SPTBN2: variants seen among roughly 807,000 people sequenced by gnomAD.
SPTBN2 encodes spectrin beta, non-erythrocytic 2, also known as spectrin beta chain, non-erythrocytic 2.
SPTBN2 carries 107 observed loss-of-function variants against 284.2 expected under a neutral mutation model. That is an observed-to-expected ratio of 0.38 (90% CI 0.32 to 0.44). The LOEUF (loss-of-function observed/expected upper bound fraction) is 0.44. Ranked by LOEUF, SPTBN2 falls within the 20% of genes least tolerant of loss-of-function variation. The probability of loss-of-function intolerance (pLI) is 1.00; values close to 1 mark genes in which losing one functional copy is unlikely to be tolerated. For missense variants in SPTBN2, 2,569 were observed against 3,287.1 expected (o/e 0.78, Z 5.34); for synonymous variants, 1,289 against 1,354.8 (o/e 0.95, Z 1.07).
In SPTBN2 at chr11:66,711,032, G is replaced by A. The variant is rs755647824; in HGVS notation, c.773-3C>T. 6.2e-7 allele frequency: 1 copy of A among 1,613,590 alleles called. No individual in the cohort carries two copies. The highest frequency in any genetic ancestry group is 1.1e-5 in the South Asian group (1 of 91,080). On this transcript the variant is annotated splice_region_variant and splice_polypyrimidine_tract_variant and intron_variant, in intron 8 of 37. Coordinates refer to ENST00000533211, the MANE Select transcript of SPTBN2 (RefSeq NM_006946.4). ...ATCTGGCTGGTCCACATTCACGTCT[G>A]CAAGAGAGGACCATTTGGGTCAGGC...
chr11:66,689,069 G>A (rs1344829062), intron 30 of SPTBN2, 27 bp downstream of exon 30: 1 of 1,591,966 alleles, frequency 6.3e-7, no homozygotes, highest in Admixed American at 1.8e-5. Context: ...ACTCCCCACA[G>A]GGCCTGGGGC....
At chr11:66,709,954 T>C (rs973288400) in intron 10 of SPTBN2, among the ~76,000 whole-genome samples, 1 of 152,252 alleles carries the variant, frequency 6.6e-6, no homozygotes, top group Non-Finnish European at 1.5e-5. Flanking sequence ...CTCTATCCTA[T>C]GCTAGGATTG....
In SPTBN2 at chr11:66,714,367, T is replaced by C. The variant is rs1269016964; in HGVS notation, c.524A>G (p.Lys175Arg). The C allele has an allele frequency of 6.2e-7, 1 of 1,614,060 alleles. No homozygotes were observed. ...ISVETEDNKE[K>R]KSAKDALLLW... ...AAGCAGGGCATCCTTGGCTGACTTC[T>C]TCTCCTTGTTGTCTTCTGTCTCCAC... Residue 175 changes from lysine (K) to arginine (R), a missense_variant, in exon 6 of 38, where the codon AAG becomes AGG. By Grantham distance (26) the Lys-to-Arg change is conservative (BLOSUM62 2). Around this residue, in one of 6 missense-constraint regions of SPTBN2, gnomAD observed 304 missense variants for 522.1 expected, o/e 0.58. Transcript: ENST00000533211.
chr11:66,705,048 A>G lies in SPTBN2; in HGVS notation c.2228T>C (p.Leu743Pro). 1 of 1,598,412 alleles carries G rather than the reference A, an allele frequency of 6.3e-7. No individual in the cohort carries two copies. Among genetic ancestry groups the G allele is most frequent in the Non-Finnish European group, 8.5e-7 (1 of 1,178,944 alleles). The change falls in exon 15 of 38, where the codon CTG becomes CCG. Residue 743 changes from leucine (L) to proline (P), a missense_variant. Transcript: ENST00000533211. Reference protein sequence around the residue: ...EALAEERAQRLAQAASLYQFQ... With the variant: ...EALAEERAQRPAQAASLYQFQ... ...CTGGTAGAGGCTGGCGGCTTGGGCC[A>G]GCCGCTGGGCACGCTCCTCGGCCAG...
At chr11:66,686,343 C>T in intron 37 of SPTBN2, 55 bp downstream of exon 37, 1 of 1,606,104 alleles carries the variant, frequency 6.2e-7, no homozygotes, top group Non-Finnish European at 8.5e-7. Flanking sequence ...GGGGAGTCTG[C>T]AGCTGGAAGC....
rs530337217 is a variant in SPTBN2 at position 66,710,275 on chromosome 11, C to A, written c.1073+307G>T. 1.3e-5 allele frequency among the ~76,000 whole-genome samples: 2 copies of A among 151,442 alleles called. No homozygotes were observed. The highest frequency in any genetic ancestry group is 3.9e-4 in the East Asian group (2 of 5,110). Reference sequence around the variant, plus strand: ...GGCCAGGCTGGTCTCAAACTCCCGACCTCAGTAGAGATGGGGTTTCACCAT... The same window carrying A: ...GGCCAGGCTGGTCTCAAACTCCCGAACTCAGTAGAGATGGGGTTTCACCAT... On this transcript the variant is annotated intron_variant, in intron 10 of 37. Transcript: ENST00000533211. This position sits in a 1 kb window ranked among gnomAD's most constrained non-coding sequence, Gnocchi z 4.9.
intron 20 of SPTBN2, 76 bp downstream of exon 20, chr11:66,698,563 A>G: frequency 6.2e-7 from 1 of 1,607,972 alleles, no homozygotes; most frequent in Non-Finnish European, 8.5e-7. Flanking sequence ...CATGACAAAA[A>G]CCACGTCCTG....
At chr11:66,706,187 C>T (rs987165419) in intron 13 of SPTBN2, among the ~76,000 whole-genome samples, 11 of 152,218 alleles carry the variant, frequency 7.2e-5, no homozygotes, top group South Asian at 2.1e-4. Flanking sequence ...AGCCGCTGCC[C>T]GCCTGGAAGA....
chr11:66,691,786 T>A lies in SPTBN2; in HGVS notation c.5191-128A>T, dbSNP rs1287821249. Reference sequence around the variant, plus strand: ...CCCGCTGCATGGGGGCCGGGACAGGTTTCTTCCCTGTGGTTAAGGAGTAGG... The same window carrying A: ...CCCGCTGCATGGGGGCCGGGACAGGATTCTTCCCTGTGGTTAAGGAGTAGG... On this transcript the variant is annotated intron_variant, in intron 26 of 37. Coordinates refer to ENST00000533211, the MANE Select transcript of SPTBN2 (RefSeq NM_006946.4). This position sits in a 1 kb window ranked among gnomAD's most constrained non-coding sequence, Gnocchi z 8.0. 2.8e-6 allele frequency: 4 copies of A among 1,403,546 alleles called. No individual in the cohort carries two copies. The East Asian group carries it at 9.5e-5, about 33-fold the overall frequency. The allele number at this position is 1,403,546 out of a possible 1,614,324, so 86.9% of individuals were successfully genotyped here. A position where few individuals can be genotyped will look rare whatever the true frequency, so the allele number is the denominator to read the frequency against.
chr11:66,719,562 G>A (rs1338974431), intron 3 of SPTBN2, among the ~76,000 whole-genome samples: 2 of 152,258 alleles, frequency 1.3e-5, no homozygotes, highest in Admixed American at 6.5e-5. Flanking sequence ...TCACACAGAT[G>A]TGTGCACAGA....
Position 66,715,764 on chromosome 11 carries a change from C to G in SPTBN2, c.309+66G>C. ...GCCGTCACTCTCTCTGAGGGCTGTT[C>G]TTCCAGCTGGTCCCCTTGGACACTT... On this transcript the variant is annotated intron_variant, in intron 4 of 37. Coordinates refer to ENST00000533211, the MANE Select transcript of SPTBN2 (RefSeq NM_006946.4). The surrounding 1 kb of genome is among the most constrained non-coding windows in gnomAD (Gnocchi z 5.3). 6.3e-7 allele frequency: 1 copy of G among 1,592,698 alleles called. No individual in the cohort carries two copies. The highest frequency in any genetic ancestry group is 1.1e-5 in the South Asian group (1 of 88,358).
intron 10 of SPTBN2, 34 bp from the exon 11 acceptor site, chr11:66,709,053 A>G: frequency 6.3e-7 from 1 of 1,576,118 alleles, no homozygotes; most frequent in Non-Finnish European, 8.7e-7. Context: ...GTCAGAATTA[A>G]AGCCCACGAG....
Position 66,715,731 on chromosome 11 carries a change from C to A in SPTBN2, c.309+99G>T. The stretch of plus-strand genomic sequence containing the variant: ...CTGAGCAGAGGGAGCCACTGCTTCC[C>A]GCCCTGTGCCGTCACTCTCTCTGAG... On this transcript the variant is annotated intron_variant, in intron 4 of 37. Transcript: ENST00000533211. The surrounding 1 kb of genome is among the most constrained non-coding windows in gnomAD (Gnocchi z 5.3). 1 of 1,520,086 alleles carries A rather than the reference C, an allele frequency of 6.6e-7. No homozygotes were observed. 94.2% of individuals were successfully genotyped at this position (1,520,086 alleles called of 1,614,324 possible).
At chr11:66,701,484 T>C in intron 16 of SPTBN2, 100 bp downstream of exon 16, 3 of 1,595,416 alleles carry the variant, frequency 1.9e-6, no homozygotes, top group South Asian at 2.2e-5. Context: ...GCTTCCTCCT[T>C]TGTAGCCACC....
chr11:66,743,922 G>A (rs1056757776), intron 1 of SPTBN2, among the ~76,000 whole-genome samples: 2 of 151,946 alleles, frequency 1.3e-5, no homozygotes, highest in African/African-American at 4.8e-5. Context: ...GTGCAATGAC[G>A]CGATCTCGGC....
intron 3 of SPTBN2, among the ~76,000 whole-genome samples, chr11:66,717,064 C>A (rs1357584086): frequency 6.6e-6 from 1 of 151,990 alleles, no homozygotes; most frequent in Admixed American, 6.6e-5. Flanking sequence ...CACCCCATTG[C>A]TTAGAAGAAC....
chr11:66,723,522 T>A (rs1346380387), intron 1 of SPTBN2, among the ~76,000 whole-genome samples: 1 of 152,142 alleles, frequency 6.6e-6, no homozygotes, highest in Non-Finnish European at 1.5e-5. Flanking sequence ...AAGGTCAGGG[T>A]TGTCTGCCCC....
chr11:66,743,559 T>A (rs1942918627), intron 1 of SPTBN2, among the ~76,000 whole-genome samples: 3 of 152,278 alleles, frequency 2.0e-5, no homozygotes, highest in Non-Finnish European at 2.9e-5. Flanking sequence ...TCACCAGCAG[T>A]TATAGGCTTA....
chr11:66,738,230 AC>A (rs758735770), intron 1 of SPTBN2, among the ~76,000 whole-genome samples: 155 of 151,666 alleles, frequency 1.0e-3, no homozygotes, highest in Middle Eastern at 3.4e-3. Flanking sequence ...AAACAAACAA[AC>A]AAAAAAAAGA....
Sources: gnomAD v4.1 joint callset for allele counts (sites outside exome capture counted in the v4.1 genomes callset) on GRCh38, gnomAD v4.1.1 for gene constraint, gnomAD v4.1.1 regional missense constraint, Gnocchi (gnomAD v3.1) non-coding constraint, MANE v1.5 for transcripts, NCBI Gene and HGNC (gene_info 2026-07-23, HGNC 2026-07-21) for gene names.